The following BTD variants were observed in gnomAD, a reference collection of about 807,000 sequenced individuals.
BTD encodes biotinidase.
BTD carries 13 observed loss-of-function variants against 17.7 expected under a neutral mutation model. The ratio of observed to expected loss-of-function variants is 0.74; its 90% CI spans 0.48 to 1.17. The LOEUF is 1.17. Ranked by LOEUF, BTD falls within the 50% of genes most tolerant of loss-of-function variation. The pLI is 0.00. For missense variants in BTD, 674 were observed against 650.4 expected (o/e 1.04, Z -0.39); for synonymous variants, 240 against 245.2 (o/e 0.98, Z 0.20).
chr3:15,657,804 T>C (rs1170745102), downstream of BTD, among the ~76,000 whole-genome samples: 1 of 147,790 alleles, frequency 6.8e-6, no homozygotes, highest in Admixed American at 6.7e-5. Context: ...GCAAACAATA[T>C]AAAAGTCTTC....
intron 1 of BTD, among the ~76,000 whole-genome samples, chr3:15,620,542 C>T (rs947497113): frequency 2.6e-5 from 4 of 152,076 alleles, no homozygotes; most frequent in African/African-American, 9.7e-5. Context: ...TCAAGGTGCA[C>T]TGATTTCATA....
chr3:15,614,467 T>C (rs149955999), intron 1 of BTD, among the ~76,000 whole-genome samples: 1 of 152,212 alleles, frequency 6.6e-6, no homozygotes, highest in African/African-American at 2.4e-5. Context: ...ACATCATATA[T>C]GTCTTCCATG....
At chr3:15,702,296 T>C (rs941674588) in intron 3 of BTD, among the ~76,000 whole-genome samples, 2 of 152,182 alleles carry the variant, frequency 1.3e-5, no homozygotes, top group African/African-American at 4.8e-5. Context: ...AGGGTGCTTA[T>C]AAAATACTGA....
chr3:15,704,097 G>A (rs886288242), intron 3 of BTD, among the ~76,000 whole-genome samples: 2 of 152,064 alleles, frequency 1.3e-5, no homozygotes, highest in African/African-American at 2.4e-5. Context: ...AGCCCTATAC[G>A]TATCTGCAAC....
At position 15,721,803 on chromosome 3, in the gene BTD, G is replaced by A. The variant is rs966352304; in HGVS notation, c.1049G>A (p.Trp350Ter). The change falls in exon 5 of 5, where the codon TGG (tryptophan) becomes TAG (stop). Residue 350 changes from tryptophan to a stop codon, truncating the protein, a stop_gained. Transcript: ENST00000672427. LOFTEE classifies it high-confidence loss of function. ...TCTGTCGCCCAGACTGGAGTTGAGT[G>A]GCACGATCTCAGCTCACCGAAACCT... Among the ~76,000 whole-genome samples, 8 of 152,192 alleles carry A rather than the reference G, an allele frequency of 5.3e-5. No homozygotes were observed. Among genetic ancestry groups the A allele is most frequent in the African/African-American group, 1.9e-4 (8 of 41,526 alleles).
In BTD at chr3:15,712,245, G is replaced by A. The variant is rs76592310; in HGVS notation, c.*2171G>A. On this transcript the variant is annotated 3_prime_UTR_variant, in exon 4 of 4. Coordinates refer to the BTD transcript ENST00000672141. ...CGCCTAAAGTTAATAGAACAGGACA[G>A]TATCTTCATTTTAACACAAGAAAAA... 3.4e-3 allele frequency: 5,215 copies of A among 1,526,462 alleles called. 142 individuals carry two copies. In the African/African-American group the frequency reaches 0.061, roughly 18 times the overall value. 94.6% of individuals were successfully genotyped at this position (1,526,462 alleles called of 1,614,324 possible).
intron 3 of BTD, among the ~76,000 whole-genome samples, chr3:15,664,563 C>A (rs1320693430): frequency 1.3e-5 from 2 of 152,158 alleles, no homozygotes; most frequent in African/African-American, 4.8e-5. Context: ...GACTTCTAAA[C>A]AGTCGATTCT....
At chr3:15,678,430 G>T in intron 3 of BTD, 1 of 1,402,642 alleles carries the variant, frequency 7.1e-7, no homozygotes, top group Non-Finnish European at 9.6e-7. Context: ...TTTAATTTGT[G>T]ACATGCTGTT....
rs574749887 is a variant in BTD, at chr3:15,647,392, A to G, written c.*1904A>G. On this transcript the variant is annotated 3_prime_UTR_variant, in exon 4 of 4. Transcript: ENST00000643237. ...CGCTAAATACAGACTTGGCAGAACT[A>G]CTTCACCCAGTAAACATCTAATCAG... is the stretch of plus-strand genomic sequence containing the variant. The G allele has an allele frequency of 1.3e-5, 2 of 152,350 alleles. No homozygotes were observed. The highest frequency in any genetic ancestry group is 2.1e-4 in the South Asian group (1 of 4,826). The allele number at this position is 152,350 out of a possible 1,614,324, so 9.4% of individuals were successfully genotyped here.
intron 3 of BTD, among the ~76,000 whole-genome samples, chr3:15,698,174 C>A (rs139771608): frequency 6.6e-6 from 1 of 151,936 alleles, no homozygotes; most frequent in African/African-American, 2.4e-5. Flanking sequence ...AAAAGGCCTT[C>A]GACAAAATTC....
chr3:15,644,181 T>C (rs968989476), intron 3 of BTD, 135 bp from the exon 4 acceptor site: 70 of 879,866 alleles, frequency 8.0e-5, no homozygotes, highest in Admixed American at 1.3e-4. Flanking sequence ...TTTGTATTTT[T>C]AGTTGAGATG....
Position 15,648,547 on chromosome 3 carries a change from G to A in BTD, c.*3059G>A, listed in dbSNP as rs142073800. Among the ~76,000 whole-genome samples, 9 of 152,312 alleles carry A rather than the reference G, an allele frequency of 5.9e-5. No individual in the cohort carries two copies. The highest frequency in any genetic ancestry group is 1.0e-4 in the Non-Finnish European group (7 of 68,024). On this transcript the variant is annotated 3_prime_UTR_variant, in exon 4 of 4. Coordinates refer to ENST00000643237, the MANE Select transcript of BTD (RefSeq NM_001370658.1). ...ACCCAGTTCTGTGGGGCAGGAAAGC[G>A]GGTCTCTCATGAGGCTACAGTCAAG...
intron 1 of BTD, among the ~76,000 whole-genome samples, chr3:15,619,516 A>C (rs2064888807): frequency 6.6e-6 from 1 of 152,214 alleles, no homozygotes; most frequent in Non-Finnish European, 1.5e-5. Context: ...AATCTCACTT[A>C]GTCATGGTGT....
In BTD at chr3:15,635,019, T is replaced by C. The variant is rs2065305680; in HGVS notation, c.-16-405T>C. Among the ~76,000 whole-genome samples, 1 of 152,196 alleles carries C rather than the reference T, an allele frequency of 6.6e-6. No individual in the cohort carries two copies. The highest frequency in any genetic ancestry group is 2.4e-5 in the African/African-American group (1 of 41,446). On this transcript the variant is annotated intron_variant, in intron 1 of 3. Coordinates refer to ENST00000643237, the MANE Select transcript of BTD (RefSeq NM_001370658.1). The surrounding 1 kb of genome is among the most constrained non-coding windows in gnomAD (Gnocchi z 4.1). The stretch of plus-strand genomic sequence containing the variant: ...CATTACGGATGGCTGACCTGTAGTA[T>C]GGATAGAGGGCAGAGGGTAGAGTGT...
intron 1 of BTD, among the ~76,000 whole-genome samples, chr3:15,613,094 CT>C (rs573298036): frequency 1.6e-4 from 25 of 152,234 alleles, no homozygotes; most frequent in African/African-American, 5.8e-4. Flanking sequence ...GATTAACTGG[CT>C]TGGGATTTTA....
intron 3 of BTD, chr3:15,690,165 A>T: frequency 1.2e-6 from 2 of 1,609,210 alleles, no homozygotes; most frequent in Non-Finnish European, 1.7e-6. Flanking sequence ...TCTGACATCA[A>T]GATCTAACAA....
chr3:15,719,443 A>G (rs1383891011), intron 4 of BTD, among the ~76,000 whole-genome samples: 2 of 152,250 alleles, frequency 1.3e-5, no homozygotes, highest in Non-Finnish European at 2.9e-5. Flanking sequence ...AAATTAATAC[A>G]GAAACAACTA....
rs1051185404 is a variant in BTD at position 15,649,295 on chromosome 3, G to C, written c.*3807G>C. On this transcript the variant is annotated 3_prime_UTR_variant, in exon 4 of 4. Coordinates refer to ENST00000643237, the MANE Select transcript of BTD (RefSeq NM_001370658.1). ...AAGCAAATGATCCAAGAGAGCACAGGTGGAGCCATGATGTCTTTTATTAAC... is the reference window on the plus strand; with the variant it reads ...AAGCAAATGATCCAAGAGAGCACAGCTGGAGCCATGATGTCTTTTATTAAC... Among the ~76,000 whole-genome samples the C allele has an allele frequency of 2.0e-5, 3 of 152,216 alleles. No individual in the cohort carries two copies. The highest frequency in any genetic ancestry group is 7.2e-5 in the African/African-American group (3 of 41,450).
At chr3:15,679,179 A>T in intron 3 of BTD, 1 of 848,226 alleles carries the variant, frequency 1.2e-6, no homozygotes, top group Non-Finnish European at 1.9e-6. Flanking sequence ...TATGTTGACC[A>T]GGCTGGTCTT....
Sources: allele counts gnomAD v4.1 joint callset (sites outside exome capture counted in the v4.1 genomes callset), GRCh38; gene constraint gnomAD v4.1.1; non-coding constraint Gnocchi (gnomAD v3.1); transcripts MANE v1.5; gene names NCBI Gene and HGNC (gene_info 2026-07-23, HGNC 2026-07-21).